TNFSF4: variants seen among roughly 807,000 people sequenced by gnomAD.
TNFSF4 encodes the protein tumor necrosis factor ligand superfamily member 4.
A neutral mutation model predicts 7.3 loss-of-function variants in TNFSF4; 4 were observed. The ratio of observed to expected loss-of-function variants is 0.55; its 90% confidence interval spans 0.27 to 1.25. The LOEUF (loss-of-function observed/expected upper bound fraction) is 1.25, where lower values mean the gene tolerates loss of function less well. TNFSF4 is among the 50% of genes most tolerant of loss of function. The pLI, the probability that TNFSF4 is intolerant of heterozygous loss-of-function variation, is 0.12. For missense variants in TNFSF4, 181 were observed against 208.8 expected (o/e 0.87, Z 0.82); for synonymous variants, 76 against 83.7 (o/e 0.91, Z 0.50).
At chr1:173,334,534 G>T in the TNFSF4 span, among the ~76,000 whole-genome samples, 3 of 152,162 alleles carry the variant, frequency 2.0e-5, no homozygotes, top group Non-Finnish European at 4.4e-5. Context: ...ATTAAACATA[G>T]AATCTCATCC....
At chr1:173,220,395 T>A in the TNFSF4 span, among the ~76,000 whole-genome samples, 1 of 152,238 alleles carries the variant, frequency 6.6e-6, no homozygotes, top group South Asian at 2.1e-4. Flanking sequence ...TACTAAAAAC[T>A]ATTTATTCAG....
At chr1:173,176,478 T>A in the TNFSF4 span, among the ~76,000 whole-genome samples, 1 of 152,168 alleles carries the variant, frequency 6.6e-6, no homozygotes, top group Non-Finnish European at 1.5e-5. Flanking sequence ...TAACAGATGT[T>A]GGCAAGGTTG....
At chr1:173,312,554 A>G in the TNFSF4 span, among the ~76,000 whole-genome samples, 8 of 152,234 alleles carry the variant, frequency 5.3e-5, no homozygotes, top group African/African-American at 1.7e-4. Flanking sequence ...TAGAAATCAA[A>G]TTATCAGCTT....
chr1:173,437,123 T>C, the TNFSF4 span, among the ~76,000 whole-genome samples: 1 of 152,168 alleles, frequency 6.6e-6, no homozygotes, highest in Admixed American at 6.5e-5. Context: ...GGTAACACAA[T>C]CCATGACTCT....
At chr1:173,190,929 G>T (rs1649451053) in intron 1 of TNFSF4, among the ~76,000 whole-genome samples, 1 of 152,104 alleles carries the variant, frequency 6.6e-6, no homozygotes, top group Non-Finnish European at 1.5e-5. Flanking sequence ...GAAGATCAGG[G>T]GCATTCCTTT....
chr1:173,221,230 A>T, the TNFSF4 span, among the ~76,000 whole-genome samples: 4 of 152,360 alleles, frequency 2.6e-5, no homozygotes, highest in South Asian at 8.3e-4. Flanking sequence ...GGCTAGACTG[A>T]ATGGAGCCTT....
chr1:173,357,584 C>T, the TNFSF4 span, among the ~76,000 whole-genome samples: 63 of 152,016 alleles, frequency 4.1e-4, no homozygotes, highest in South Asian at 0.012. Flanking sequence ...CAGGCTGGAG[C>T]GCAATGGTGC....
the TNFSF4 span, among the ~76,000 whole-genome samples, chr1:173,305,852 G>A: frequency 1.3e-5 from 2 of 151,890 alleles, no homozygotes; most frequent in South Asian, 4.2e-4. Flanking sequence ...CTGCCTCCAT[G>A]ATCCAGTCAC....
chr1:173,175,924 G>A, the TNFSF4 span, among the ~76,000 whole-genome samples: 1 of 152,164 alleles, frequency 6.6e-6, no homozygotes, highest in Non-Finnish European at 1.5e-5. Flanking sequence ...CAAGACAGGA[G>A]GAAGTCATGG....
chr1:173,230,213 C>A, the TNFSF4 span, among the ~76,000 whole-genome samples: 3 of 152,168 alleles, frequency 2.0e-5, no homozygotes, highest in Non-Finnish European at 4.4e-5. Flanking sequence ...TGTAAAAGAA[C>A]AGAAATTATA....
At chr1:173,326,427 A>G in the TNFSF4 span, among the ~76,000 whole-genome samples, 1 of 152,192 alleles carries the variant, frequency 6.6e-6, no homozygotes, top group Non-Finnish European at 1.5e-5. Flanking sequence ...ATGGACAAAA[A>G]CTGGAACCAT....
chr1:173,312,215 G>A, the TNFSF4 span, among the ~76,000 whole-genome samples: 4 of 152,078 alleles, frequency 2.6e-5, no homozygotes, highest in East Asian at 5.8e-4. Context: ...TAGCAACTGC[G>A]GGAGCCTCTA....
chr1:173,328,256 A>G, the TNFSF4 span, among the ~76,000 whole-genome samples: 1 of 151,390 alleles, frequency 6.6e-6, no homozygotes, highest in Non-Finnish European at 1.5e-5. Flanking sequence ...TTGCAAAGAC[A>G]AAAAACCAAA....
Position 173,185,283 on chromosome 1 carries a change from G to C in TNFSF4, c.*1233C>G, listed in dbSNP as rs1649174327. On this transcript the variant is annotated 3_prime_UTR_variant, in exon 3 of 3. Transcript: ENST00000281834. ...TCTGGAAAGTTGACATGAAAAATCAGATTGTCCACAGCGCCATAAGCATAA... is the reference window on the plus strand; with the variant it reads ...TCTGGAAAGTTGACATGAAAAATCACATTGTCCACAGCGCCATAAGCATAA... The C allele has an allele frequency of 6.6e-6, 1 of 152,188 alleles. No individual in the cohort carries two copies. Among genetic ancestry groups the C allele is most frequent in the Admixed American group, 6.5e-5 (1 of 15,280 alleles). 9.4% of individuals were successfully genotyped at this position (152,188 alleles called of 1,614,324 possible).
At chr1:173,325,912 T>G in the TNFSF4 span, among the ~76,000 whole-genome samples, 2 of 152,272 alleles carry the variant, frequency 1.3e-5, no homozygotes, top group South Asian at 4.1e-4. Context: ...ACCAGATGGA[T>G]TCACAGCCGA....
the TNFSF4 span, among the ~76,000 whole-genome samples, chr1:173,373,264 G>T: frequency 2.0e-5 from 3 of 152,320 alleles, no homozygotes; most frequent in Non-Finnish European, 2.9e-5. Context: ...CATCAAAAAG[G>T]TGTAGGAGAA....
the TNFSF4 span, among the ~76,000 whole-genome samples, chr1:173,337,518 C>G: frequency 6.6e-6 from 1 of 152,138 alleles, no homozygotes; most frequent in Non-Finnish European, 1.5e-5. Context: ...TTCCCAATGA[C>G]CAGTTGACAG....
At chr1:173,313,676 T>C in the TNFSF4 span, among the ~76,000 whole-genome samples, 1 of 152,066 alleles carries the variant, frequency 6.6e-6, no homozygotes, top group Admixed American at 6.6e-5. Flanking sequence ...ATCCAAGATA[T>C]TTTTATAGAC....
the TNFSF4 span, among the ~76,000 whole-genome samples, chr1:173,279,081 A>C: frequency 6.6e-6 from 1 of 152,078 alleles, no homozygotes; most frequent in Non-Finnish European, 1.5e-5. Flanking sequence ...ATTACTACTA[A>C]GTGATCTTTA....
Sources: gnomAD v4.1 joint callset for allele counts (sites outside exome capture counted in the v4.1 genomes callset) on GRCh38, gnomAD v4.1.1 for gene constraint, MANE v1.5 for transcripts, NCBI Gene and HGNC (gene_info 2026-07-23, HGNC 2026-07-21) for gene names.